The following NRG4 variants were observed in gnomAD, a reference collection of about 807,000 sequenced individuals.
NRG4 encodes the protein neuregulin 4, also known as pro-neuregulin-4, membrane-bound isoform.
A neutral mutation model predicts 15.0 loss-of-function variants in NRG4; 10 were observed. That is an observed-to-expected ratio of 0.67 (90% confidence interval 0.41 to 1.13). The LOEUF (loss-of-function observed/expected upper bound fraction) is 1.13, where lower values mean the gene tolerates loss of function less well. Among genes scored for constraint, NRG4 ranks in the 50% most tolerant of loss-of-function variants. The pLI, the probability that NRG4 is intolerant of heterozygous loss-of-function variation, is 0.00. For synonymous variants in NRG4, 41 were observed against 50.1 expected, an observed-to-expected ratio of 0.82 and a Z score of 0.77; for missense variants, 139 against 140.2, an observed-to-expected ratio of 0.99 and a Z score of 0.04.
chr15:75,978,993 T>C (rs1161824598), intron 3 of NRG4, among the ~76,000 whole-genome samples: 1 of 152,190 alleles, frequency 6.6e-6, no homozygotes, highest in Non-Finnish European at 1.5e-5. Flanking sequence ...TGCAGAATTG[T>C]TGGAGTTCCT....
intron 3 of NRG4, among the ~76,000 whole-genome samples, chr15:75,966,581 C>A (rs1020539546): frequency 3.9e-5 from 6 of 152,144 alleles, no homozygotes; most frequent in South Asian, 2.1e-4. Flanking sequence ...CAGAAAAAAA[C>A]CCCATGTTTA....
At chr15:76,055,234 G>T (rs1283645233) in intron 2 of NRG4, among the ~76,000 whole-genome samples, 11 of 152,234 alleles carry the variant, frequency 7.2e-5, no homozygotes, top group Admixed American at 7.2e-4. Flanking sequence ...AGTGAGCCCA[G>T]ATTGTGCCAC....
chr15:76,009,417 T>C, intron 2 of NRG4, 124 bp from the exon 3 acceptor site: 1 of 546,454 alleles, frequency 1.8e-6, no homozygotes, highest in East Asian at 3.1e-5. Flanking sequence ...AGAATTTTTT[T>C]TCTCAAAATG....
At chr15:76,011,849 A>C (rs1416357536) in intron 1 of NRG4, among the ~76,000 whole-genome samples, 1 of 152,126 alleles carries the variant, frequency 6.6e-6, no homozygotes, top group Admixed American at 6.6e-5. Flanking sequence ...CGGAACTTAA[A>C]ATTAAATTTA....
intron 3 of NRG4, among the ~76,000 whole-genome samples, chr15:75,992,952 A>C (rs955282057): frequency 6.6e-6 from 1 of 151,626 alleles, no homozygotes; most frequent in Admixed American, 6.6e-5. Flanking sequence ...ATTATGGGTA[A>C]TGCTTTTATT....
chr15:76,005,506 C>T (rs929112351), intron 3 of NRG4, among the ~76,000 whole-genome samples: 2 of 150,834 alleles, frequency 1.3e-5, no homozygotes, highest in Non-Finnish European at 3.0e-5. Context: ...GCTAAAATGG[C>T]GAAACCCCGC....
chr15:75,999,110 A>G (rs2034313126), intron 3 of NRG4, among the ~76,000 whole-genome samples: 1 of 152,222 alleles, frequency 6.6e-6, no homozygotes, highest in African/African-American at 2.4e-5. Context: ...CACATATAAC[A>G]AAGTTGGCAT....
intron 5 of NRG4, among the ~76,000 whole-genome samples, chr15:75,950,239 A>AT (rs1165464864): frequency 1.3e-5 from 2 of 152,134 alleles, no homozygotes; most frequent in Non-Finnish European, 2.9e-5. Flanking sequence ...ATCATTAATA[A>AT]TTTTTTTAAA....
At chr15:76,038,801 G>C (rs926966633) in intron 4 of NRG4, among the ~76,000 whole-genome samples, 2 of 152,170 alleles carry the variant, frequency 1.3e-5, no homozygotes, top group African/African-American at 4.8e-5. Context: ...GCAGGCCTTG[G>C]GCAAGACCCA....
chr15:75,997,922 C>T (rs2034273669), intron 3 of NRG4, among the ~76,000 whole-genome samples: 1 of 152,180 alleles, frequency 6.6e-6, no homozygotes, highest in South Asian at 2.1e-4. Context: ...ATGTGAGGCT[C>T]AAACACAGAG....
chr15:75,947,615 T>C (rs1007197070), intron 5 of NRG4, among the ~76,000 whole-genome samples: 1 of 152,180 alleles, frequency 6.6e-6, no homozygotes, highest in Non-Finnish European at 1.5e-5. Flanking sequence ...TATACAAATA[T>C]CTGTTTGAGT....
At chr15:76,050,742 C>A (rs2035985692) in intron 4 of NRG4, among the ~76,000 whole-genome samples, 1 of 148,808 alleles carries the variant, frequency 6.7e-6, no homozygotes. Context: ...CCGTGCCCAG[C>A]CGAGCCTTCG....
At chr15:75,988,462 C>T (rs8028766) in intron 3 of NRG4, among the ~76,000 whole-genome samples, 11,837 of 152,264 alleles carry the variant, frequency 0.078, 1,074 homozygotes, top group African/African-American at 0.23. Flanking sequence ...GCTGGGATTA[C>T]AGGCATGAGC....
intron 3 of NRG4, among the ~76,000 whole-genome samples, chr15:76,000,394 T>C (rs2034369513): frequency 1.3e-5 from 2 of 152,142 alleles, no homozygotes; most frequent in Non-Finnish European, 2.9e-5. Context: ...TATAAACAAA[T>C]ACATTATCAA....
downstream of NRG4, chr15:75,940,079 T>TA (rs1403294549): frequency 1.3e-5 from 2 of 149,838 alleles, no homozygotes; most frequent in Non-Finnish European, 3.0e-5. Flanking sequence ...TCACAAATGA[T>TA]ATGATCTTTA....
intron 4 of NRG4, among the ~76,000 whole-genome samples, chr15:76,042,196 G>T (rs561121127): frequency 1.7e-4 from 26 of 151,990 alleles, no homozygotes; most frequent in Admixed American, 1.4e-3. Flanking sequence ...CGAGAGAGAA[G>T]TTTATAGCTA....
At chr15:76,034,006 T>A (rs973405031) in intron 5 of NRG4, among the ~76,000 whole-genome samples, 3 of 152,206 alleles carry the variant, frequency 2.0e-5, no homozygotes, top group Admixed American at 6.5e-5. Flanking sequence ...AACATGCACA[T>A]ACACACTTCT....
chr15:76,049,392 G>A (rs989672004), intron 4 of NRG4, among the ~76,000 whole-genome samples: 9 of 150,392 alleles, frequency 6.0e-5, no homozygotes, highest in Non-Finnish European at 1.0e-4. Context: ...CACCCCATAT[G>A]CACAAGCCTC....
intron 4 of NRG4, among the ~76,000 whole-genome samples, chr15:76,039,520 A>G (rs768556027): frequency 5.3e-5 from 8 of 152,204 alleles, no homozygotes; most frequent in African/African-American, 1.9e-4. Context: ...TTGATCAAGC[A>G]TAAGACAGAA....
Sources: allele counts gnomAD v4.1 joint callset (sites outside exome capture counted in the v4.1 genomes callset), GRCh38; gene constraint gnomAD v4.1.1; transcripts MANE v1.5; gene names NCBI Gene and HGNC (gene_info 2026-07-23, HGNC 2026-07-21).